CRISP1: variants seen among roughly 807,000 people sequenced by gnomAD.
CRISP1 encodes the protein cysteine-rich secretory protein 1.
CRISP1 carries 44 observed loss-of-function variants against 33.1 expected under a neutral mutation model. The ratio of observed to expected loss-of-function variants is 1.33; its 90% confidence interval spans 1.05 to 1.71. The LOEUF (loss-of-function observed/expected upper bound fraction) is 1.71. CRISP1 is among the 40% of genes most tolerant of loss of function. The pLI is 0.00. For synonymous variants in CRISP1, 103 were observed against 98.7 expected (o/e 1.04, Z -0.26); for missense variants, 390 against 301.2 (o/e 1.29, Z -2.18).
chr6:49,870,862 C>T (rs528806670), upstream of CRISP1, among the ~76,000 whole-genome samples: 3 of 152,054 alleles, frequency 2.0e-5, no homozygotes, highest in South Asian at 2.1e-4. Flanking sequence ...TTTTGGAGGC[C>T]GAGGTGGGCG....
At chr6:49,872,332 T>C (rs1291378090) in intron 1 of CRISP1, among the ~76,000 whole-genome samples, 1 of 152,092 alleles carries the variant, frequency 6.6e-6, no homozygotes, top group Non-Finnish European at 1.5e-5. Context: ...TGCGAAAATT[T>C]TCTCCCATTT....
intron 1 of CRISP1, among the ~76,000 whole-genome samples, chr6:49,859,701 T>C (rs1268347242): frequency 6.6e-6 from 1 of 151,736 alleles, no homozygotes; most frequent in East Asian, 1.9e-4. Context: ...TGATAAACAA[T>C]AAGAGAAAAA....
At chr6:49,846,008 T>C (rs1771154295) in intron 5 of CRISP1, among the ~76,000 whole-genome samples, 1 of 152,116 alleles carries the variant, frequency 6.6e-6, no homozygotes, top group Admixed American at 6.6e-5. Context: ...GAAGGTATTG[T>C]TTAATGAGTA....
chr6:49,852,413 T>A (rs1214531131), intron 2 of CRISP1, among the ~76,000 whole-genome samples: 1 of 152,166 alleles, frequency 6.6e-6, no homozygotes, highest in Admixed American at 6.6e-5. Context: ...GTTGAAGCAC[T>A]TTTTATTGGG....
upstream of CRISP1, among the ~76,000 whole-genome samples, chr6:49,871,480 A>G (rs528326872): frequency 3.3e-5 from 5 of 152,088 alleles, no homozygotes; most frequent in South Asian, 1.0e-3. Flanking sequence ...AAAAATATGT[A>G]GAAATACATT....
chr6:49,838,302 A>G, intron 7 of CRISP1, 135 bp downstream of exon 7: 1 of 667,794 alleles, frequency 1.5e-6, no homozygotes, highest in Non-Finnish European at 2.6e-6. Flanking sequence ...GGGGAGGGGT[A>G]AGCAGAAATA....
upstream of CRISP1, among the ~76,000 whole-genome samples, chr6:49,870,183 G>T (rs146624632): frequency 6.6e-6 from 1 of 152,270 alleles, no homozygotes; most frequent in Admixed American, 6.5e-5. Context: ...TACCAAGTCT[G>T]GCAATCACAT....
chr6:49,841,211 G>A (rs1770976298), intron 5 of CRISP1, among the ~76,000 whole-genome samples: 1 of 152,152 alleles, frequency 6.6e-6, no homozygotes, highest in South Asian at 2.1e-4. Context: ...GAAACCAGGT[G>A]GAGAAAATCA....
chr6:49,837,354 C>T (rs931429123), intron 7 of CRISP1, among the ~76,000 whole-genome samples: 1 of 151,996 alleles, frequency 6.6e-6, no homozygotes, highest in Non-Finnish European at 1.5e-5. Context: ...ATTGTTATAC[C>T]ACCACAGACA....
At chr6:49,863,884 A>G (rs1358021691) in intron 1 of CRISP1, among the ~76,000 whole-genome samples, 3 of 152,370 alleles carry the variant, frequency 2.0e-5, no homozygotes, top group Non-Finnish European at 4.4e-5. Context: ...ACCTCAGTGA[A>G]TCTGTTATTT....
rs1561935296 is a variant in CRISP1 at position 49,834,261 on chromosome 6, T to A, written c.*1055A>T. ...TTTTGGAAAGTGGGTGATGTCTTTTTTTTTTTTTTCAAACACTTTATTGAA... is the reference window on the plus strand; with the variant it reads ...TTTTGGAAAGTGGGTGATGTCTTTTATTTTTTTTTCAAACACTTTATTGAA... On this transcript the variant is annotated 3_prime_UTR_variant, in exon 8 of 8. Coordinates refer to ENST00000335847, the MANE Select transcript of CRISP1 (RefSeq NM_001131.3). 6.6e-6 allele frequency: 1 copy of A among 151,944 alleles called. No individual in the cohort carries two copies. The highest frequency in any genetic ancestry group is 2.4e-5 in the African/African-American group (1 of 41,422). The allele number at this position is 151,944 out of a possible 1,614,324, so 9.4% of individuals were successfully genotyped here.
upstream of CRISP1, among the ~76,000 whole-genome samples, chr6:49,871,059 C>T (rs939127031): frequency 1.1e-4 from 16 of 151,206 alleles, no homozygotes; most frequent in African/African-American, 2.2e-4. Context: ...TGAGAGATCG[C>T]GCCATTGCAC....
intron 2 of CRISP1, among the ~76,000 whole-genome samples, chr6:49,852,759 T>C (rs567606961): frequency 1.1e-3 from 165 of 152,280 alleles, no homozygotes; most frequent in African/African-American, 3.8e-3. Context: ...TCTTTTCATT[T>C]ATTTATTTTT....
chr6:49,844,072 T>C (rs1197514071), intron 5 of CRISP1, among the ~76,000 whole-genome samples: 2 of 152,146 alleles, frequency 1.3e-5, no homozygotes, highest in African/African-American at 4.8e-5. Context: ...GAAGAAATCT[T>C]TATGCAAGGA....
At chr6:49,835,789 T>G (rs1190051458) in intron 7 of CRISP1, among the ~76,000 whole-genome samples, 1 of 149,806 alleles carries the variant, frequency 6.7e-6, no homozygotes, top group African/African-American at 2.4e-5. Flanking sequence ...TGTCTAATTA[T>G]CTAATGCTGC....
intron 3 of CRISP1, among the ~76,000 whole-genome samples, chr6:49,848,513 G>A (rs554508921): frequency 6.6e-5 from 10 of 152,162 alleles, no homozygotes; most frequent in African/African-American, 9.6e-5. Context: ...TCAAAACTTG[G>A]TAATTACATT....
Position 49,835,142 on chromosome 6 carries a change from A to G in CRISP1, c.*174T>C. On this transcript the variant is annotated 3_prime_UTR_variant, in exon 8 of 8. Coordinates refer to ENST00000335847, the MANE Select transcript of CRISP1 (RefSeq NM_001131.3). The stretch of plus-strand genomic sequence containing the variant: ...GACTTGACCTTTTACTCCAGCACTA[A>G]GAAAGTTTAAAACAGTGTTACTTCA... 1 of 582,486 alleles carries G rather than the reference A, an allele frequency of 1.7e-6. No homozygotes were observed. Among genetic ancestry groups the G allele is most frequent in the Non-Finnish European group, 2.9e-6 (1 of 349,648 alleles). 36.1% of individuals were successfully genotyped at this position (582,486 alleles called of 1,614,324 possible).
chr6:49,872,722 A>G (rs2127480001), intron 1 of CRISP1, among the ~76,000 whole-genome samples: 1 of 152,088 alleles, frequency 6.6e-6, no homozygotes, highest in Admixed American at 6.5e-5. Flanking sequence ...GATATGCGGC[A>G]TTATTTCTGA....
chr6:49,841,517 G>A (rs1770988178), intron 5 of CRISP1, among the ~76,000 whole-genome samples: 1 of 152,014 alleles, frequency 6.6e-6, no homozygotes, highest in Non-Finnish European at 1.5e-5. Flanking sequence ...GTATACTCAG[G>A]GATGATCAAA....
Sources: allele counts gnomAD v4.1 joint callset (sites outside exome capture counted in the v4.1 genomes callset), GRCh38; gene constraint gnomAD v4.1.1; transcripts MANE v1.5; gene names NCBI Gene and HGNC (gene_info 2026-07-23, HGNC 2026-07-21).